MAGI2: variants seen among roughly 807,000 people sequenced by gnomAD.
MAGI2 encodes membrane-associated guanylate kinase, WW and PDZ domain-containing protein 2.
In MAGI2, 35 loss-of-function variants were observed where a neutral mutation model predicts 133.3. The observed-to-expected ratio is 0.26, with a 90% CI of 0.20 to 0.35. The LOEUF (loss-of-function observed/expected upper bound fraction) is 0.35, where lower values mean the gene tolerates loss of function less well. Among genes scored for constraint, MAGI2 ranks in the 10% least tolerant of loss-of-function variants. The probability of loss-of-function intolerance (pLI) is 1.00; values close to 1 mark genes in which losing one functional copy is unlikely to be tolerated. For missense variants in MAGI2, 1,636 were observed against 1,863.4 expected, an observed-to-expected ratio of 0.88 and a Z score of 2.25; for synonymous variants, 729 against 710.6, an observed-to-expected ratio of 1.03 and a Z score of -0.41.
At chr7:79,179,901 C>T (rs2129550258) in intron 1 of MAGI2, among the ~76,000 whole-genome samples, 1 of 151,826 alleles carries the variant, frequency 6.6e-6, no homozygotes, top group East Asian at 1.9e-4. Context: ...GCGCAGGCAA[C>T]AAAAAGAAAA....
intron 10 of MAGI2, among the ~76,000 whole-genome samples, chr7:78,215,872 A>G (rs1352084453): frequency 6.6e-6 from 1 of 152,220 alleles, no homozygotes; most frequent in Non-Finnish European, 1.5e-5. Context: ...GCCTTTGGTT[A>G]ATGGGAGAAT....
intron 1 of MAGI2, among the ~76,000 whole-genome samples, chr7:79,214,778 T>C (rs937407007): frequency 1.4e-5 from 2 of 140,774 alleles, no homozygotes; most frequent in African/African-American, 2.6e-5. Context: ...ATAGATAATA[T>C]AAAAATATAT....
chr7:78,948,345 TAGC>T (rs1452222008), intron 2 of MAGI2, among the ~76,000 whole-genome samples: 2 of 152,018 alleles, frequency 1.3e-5, no homozygotes, highest in African/African-American at 4.8e-5. Context: ...CAATTGTACT[TAGC>T]AGCATATGAT....
chr7:78,065,012 A>AT (rs1813671211), intron 21 of MAGI2, among the ~76,000 whole-genome samples: 1 of 152,080 alleles, frequency 6.6e-6, no homozygotes, highest in African/African-American at 2.4e-5. Context: ...GGGCCCTTAA[A>AT]ATTTTTTTTT....
chr7:78,200,175 T>C (rs551208532), intron 11 of MAGI2, among the ~76,000 whole-genome samples: 1 of 152,220 alleles, frequency 6.6e-6, no homozygotes, highest in Non-Finnish European at 1.5e-5. Flanking sequence ...AGGTCCTGCT[T>C]AGTGAGAGTG....
chr7:78,073,210 T>C (rs779516411), intron 21 of MAGI2, among the ~76,000 whole-genome samples: 2 of 152,224 alleles, frequency 1.3e-5, no homozygotes, highest in Non-Finnish European at 2.9e-5. Context: ...AACAATTTCA[T>C]TTACCAAGTG....
At chr7:78,254,510 C>T (rs993226879) in intron 10 of MAGI2, 1 of 152,176 alleles carries the variant, frequency 6.6e-6, no homozygotes, top group Non-Finnish European at 1.5e-5. Flanking sequence ...TATTTTGTAA[C>T]AATGCCTTGA....
At chr7:78,572,914 G>A (rs943133601) in intron 3 of MAGI2, among the ~76,000 whole-genome samples, 3 of 149,602 alleles carry the variant, frequency 2.0e-5, no homozygotes, top group Non-Finnish European at 3.0e-5. Flanking sequence ...CGCCTCACTC[G>A]GCCTCACGAT....
chr7:78,413,721 G>T (rs1798053518), intron 6 of MAGI2, among the ~76,000 whole-genome samples: 1 of 152,010 alleles, frequency 6.6e-6, no homozygotes. Context: ...AAGAGAATGT[G>T]CCGGGAGGCT....
At chr7:78,219,189 C>CCT (rs559927976) in intron 10 of MAGI2, among the ~76,000 whole-genome samples, 12 of 152,130 alleles carry the variant, frequency 7.9e-5, no homozygotes, top group African/African-American at 2.4e-4. Context: ...TTGGGGTCTC[C>CCT]CTCTCTCTCA....
intron 6 of MAGI2, among the ~76,000 whole-genome samples, chr7:78,379,960 C>A (rs1794770857): frequency 6.6e-6 from 1 of 150,980 alleles, no homozygotes; most frequent in Non-Finnish European, 1.5e-5. Context: ...GAAATGTTAA[C>A]TGAAATTGCA....
At chr7:79,322,730 G>A (rs2129561762) in intron 1 of MAGI2, among the ~76,000 whole-genome samples, 2 of 151,136 alleles carry the variant, frequency 1.3e-5, no homozygotes, top group African/African-American at 4.9e-5. Flanking sequence ...AGGTTGCGGT[G>A]AGCTGAGATC....
chr7:78,164,290 A>C (rs1416605340), intron 15 of MAGI2, among the ~76,000 whole-genome samples: 1 of 152,224 alleles, frequency 6.6e-6, no homozygotes, highest in Non-Finnish European at 1.5e-5. Context: ...GGATGACAGC[A>C]TTGCAGACAG....
intron 1 of MAGI2, among the ~76,000 whole-genome samples, chr7:79,274,189 T>C (rs1207119782): frequency 6.6e-6 from 1 of 152,120 alleles, no homozygotes; most frequent in Non-Finnish European, 1.5e-5. Context: ...AAAACACTTA[T>C]TGTTTATCTG....
intron 2 of MAGI2, among the ~76,000 whole-genome samples, chr7:78,905,184 C>G (rs1018546706): frequency 6.6e-6 from 1 of 152,146 alleles, no homozygotes; most frequent in Non-Finnish European, 1.5e-5. Context: ...TCCATGGTAA[C>G]TACTTCTTCA....
At chr7:78,258,460 G>C (rs2150957063) in intron 9 of MAGI2, among the ~76,000 whole-genome samples, 1 of 152,186 alleles carries the variant, frequency 6.6e-6, no homozygotes, top group Middle Eastern at 3.4e-3. Flanking sequence ...TTGGAACATT[G>C]CTCATATTAG....
intron 6 of MAGI2, among the ~76,000 whole-genome samples, chr7:78,465,988 A>G (rs1479966388): frequency 6.6e-6 from 1 of 152,194 alleles, no homozygotes; most frequent in Non-Finnish European, 1.5e-5. Flanking sequence ...TCTTACCTAT[A>G]GGACACACTT....
chr7:78,142,493 G>T (rs1248543271), intron 16 of MAGI2, among the ~76,000 whole-genome samples: 1 of 152,074 alleles, frequency 6.6e-6, no homozygotes, highest in Admixed American at 6.6e-5. Context: ...AAAAATTTCT[G>T]TTAAGTATAC....
intron 6 of MAGI2, 104 bp downstream of exon 6, chr7:78,489,657 T>G (rs1279090740): frequency 3.6e-6 from 3 of 828,256 alleles, no homozygotes; most frequent in South Asian, 1.6e-5. Flanking sequence ...ATCGTTAAAA[T>G]TGTTTCAGCT....
Sources: allele counts gnomAD v4.1 joint callset (sites outside exome capture counted in the v4.1 genomes callset), GRCh38; gene constraint gnomAD v4.1.1; transcripts MANE v1.5; gene names NCBI Gene and HGNC (gene_info 2026-07-23, HGNC 2026-07-21).